The following TMPRSS6 variants were observed in gnomAD, a reference collection of about 807,000 sequenced individuals.
TMPRSS6 encodes the protein transmembrane serine protease 6.
Under a neutral mutation model 101.5 loss-of-function variants are expected in TMPRSS6, and 67 were observed. The ratio of observed to expected loss-of-function variants is 0.66; its 90% CI spans 0.54 to 0.81. The LOEUF is 0.81. TMPRSS6 is among the 30% of genes least tolerant of loss of function. The pLI is 0.00. For synonymous variants in TMPRSS6, 453 were observed against 464.9 expected (o/e 0.97, Z 0.33); for missense variants, 1,034 against 1,088.7 (o/e 0.95, Z 0.71).
chr22:37,075,269 A>G lies in TMPRSS6; in HGVS notation c.1208T>C (p.Leu403Ser). 1 of 1,613,530 alleles carries G rather than the reference A, an allele frequency of 6.2e-7. No homozygotes were observed. The highest frequency in any genetic ancestry group is 1.1e-5 in the South Asian group (1 of 91,078). Reference sequence around the variant, plus strand: ...CTCGGCGTAGGGCTGCAGGATGCGCAAGCCACACAGCCTGGGGGGAGTCAG... The same window carrying G: ...CTCGGCGTAGGGCTGCAGGATGCGCGAGCCACACAGCCTGGGGGGAGTCAG... ...WTIQNRRLCG[L>S]RILQPYAERI... Residue 403 changes from leucine to serine, a missense_variant, in exon 11 of 18, where the codon TTG (leucine) becomes TCG (serine). Leu to Ser is a moderately radical substitution (Grantham distance 145, BLOSUM62 -2). Coordinates refer to ENST00000676104, the MANE Select transcript of TMPRSS6 (RefSeq NM_001374504.1).
intron 10 of TMPRSS6, among the ~76,000 whole-genome samples, chr22:37,076,514 C>G (rs893069766): frequency 6.6e-5 from 10 of 152,142 alleles, no homozygotes; most frequent in African/African-American, 2.2e-4. Context: ...GAGTCTTTCT[C>G]TCCTACCAGA....
intron 6 of TMPRSS6, among the ~76,000 whole-genome samples, chr22:37,091,817 T>C (rs1929288545): frequency 6.6e-6 from 1 of 152,218 alleles, no homozygotes; most frequent in Admixed American, 6.5e-5. Flanking sequence ...TATGACCTCC[T>C]CTGGGCAGTG....
At chr22:37,102,448 A>G (rs886087778) in intron 2 of TMPRSS6, among the ~76,000 whole-genome samples, 10 of 152,188 alleles carry the variant, frequency 6.6e-5, no homozygotes, top group African/African-American at 2.4e-4. Flanking sequence ...ATTACTTCCC[A>G]CTGTCAAAGG....
At chr22:37,093,709 A>T (rs1170111663) in intron 6 of TMPRSS6, among the ~76,000 whole-genome samples, 1 of 149,196 alleles carries the variant, frequency 6.7e-6, no homozygotes, top group African/African-American at 2.5e-5. Context: ...GCTGACTTTT[A>T]TATTTTTTAA....
At chr22:37,098,881 G>C (rs1930058295) in intron 2 of TMPRSS6, among the ~76,000 whole-genome samples, 1 of 152,184 alleles carries the variant, frequency 6.6e-6, no homozygotes, top group Non-Finnish European at 1.5e-5. Flanking sequence ...ATAGGCCCAG[G>C]AGGCCAAGGT....
Position 37,101,464 on chromosome 22 carries a change from G to A in TMPRSS6, c.202+1752C>T, listed in dbSNP as rs1229644533. 2.0e-5 allele frequency among the ~76,000 whole-genome samples: 3 copies of A among 152,106 alleles called. No homozygotes were observed. The highest frequency in any genetic ancestry group is 4.4e-5 in the Non-Finnish European group (3 of 67,996). On this transcript the variant is annotated intron_variant, in intron 2 of 17. Coordinates refer to ENST00000676104, the MANE Select transcript of TMPRSS6 (RefSeq NM_001374504.1). The surrounding 1 kb of genome is among the most constrained non-coding windows in gnomAD (Gnocchi z 4.1). ...GGCCAGGCTGTCCTCCTCGCTTGGG[G>A]CCTGTCCTGCTCCAGTGTCACTGGT...
chr22:37,070,742 A>C, intron 14 of TMPRSS6, 90 bp from the exon 15 acceptor site: 2 of 1,457,186 alleles, frequency 1.4e-6, no homozygotes, highest in Admixed American at 1.7e-5. Flanking sequence ...AGAGATGGAG[A>C]GACAGAGAAC....
At chr22:37,070,005 T>C (rs1437635267) in intron 15 of TMPRSS6, among the ~76,000 whole-genome samples, 6 of 150,334 alleles carry the variant, frequency 4.0e-5, no homozygotes, top group Non-Finnish European at 5.9e-5. Context: ...TGTCTGGGGG[T>C]GGATTGGGGG....
intron 10 of TMPRSS6, among the ~76,000 whole-genome samples, chr22:37,078,920 G>A (rs1927956468): frequency 7.8e-6 from 1 of 127,638 alleles, no homozygotes; most frequent in Admixed American, 7.8e-5. Flanking sequence ...AGAAGAAAGA[G>A]AAAGAAGAGG....
In TMPRSS6 at chr22:37,084,719, G is replaced by T; in HGVS notation, c.1086+8C>A. 1 of 1,555,242 alleles carries T rather than the reference G, an allele frequency of 6.4e-7. No individual in the cohort carries two copies. The highest frequency in any genetic ancestry group is 1.9e-5 in the Admixed American group (1 of 51,518). ...GAGGGCAGGTGGGCAGGCAGGGTGG[G>T]GTCTCACCGTGAGGTGCCAGGAGCA... is the stretch of plus-strand genomic sequence containing the variant. On this transcript the variant is annotated splice_region_variant and intron_variant, in intron 9 of 17. Transcript: ENST00000676104.
chr22:37,077,736 T>C (rs1927794923), intron 10 of TMPRSS6, among the ~76,000 whole-genome samples: 1 of 152,278 alleles, frequency 6.6e-6, no homozygotes, highest in Non-Finnish European at 1.5e-5. Context: ...ATGTTATTTA[T>C]ATTCAAATGT....
chr22:37,084,015 A>C (rs2146101955), intron 10 of TMPRSS6: 1 of 565,086 alleles, frequency 1.8e-6, no homozygotes, highest in East Asian at 2.8e-5. Context: ...AAGATGAGAC[A>C]ATTTTGCTGT....
chr22:37,072,962 CGGAT>C (rs1411647843), intron 13 of TMPRSS6, among the ~76,000 whole-genome samples: 1 of 108,344 alleles, frequency 9.2e-6, no homozygotes, highest in Non-Finnish European at 1.8e-5. Context: ...GGGTGGATGA[CGGAT>C]GGGTGGAAGG....
In TMPRSS6 at chr22:37,065,712, C is replaced by G. The variant is rs1006346108; in HGVS notation, c.*368G>C. On this transcript the variant is annotated 3_prime_UTR_variant, in exon 18 of 18. Coordinates refer to ENST00000676104, the MANE Select transcript of TMPRSS6 (RefSeq NM_001374504.1). ...CTGGAGGCAAGGCTGCCCAAACAGC[C>G]TCTGTACAGAGTGGGGCGCACCTCA... is the stretch of plus-strand genomic sequence containing the variant. The G allele has an allele frequency of 1.0e-5, 3 of 294,536 alleles. No individual in the cohort carries two copies. The highest frequency in any genetic ancestry group is 2.1e-5 in the African/African-American group (1 of 46,660). 18.2% of individuals were successfully genotyped at this position (294,536 alleles called of 1,614,324 possible). A position where few individuals can be genotyped will look rare whatever the true frequency, so the allele number is the denominator to read the frequency against.
chr22:37,088,973 G>A (rs931161403), intron 7 of TMPRSS6, among the ~76,000 whole-genome samples: 1 of 149,096 alleles, frequency 6.7e-6, no homozygotes, highest in East Asian at 2.1e-4. Flanking sequence ...CCACACCCCC[G>A]CCCCACACAC....
At chr22:37,076,278 A>G (rs918782841) in intron 10 of TMPRSS6, among the ~76,000 whole-genome samples, 1 of 152,060 alleles carries the variant, frequency 6.6e-6, no homozygotes, top group Non-Finnish European at 1.5e-5. Context: ...CCTCCCTGTG[A>G]CACTGTGGGC....
At chr22:37,084,675 CTGTAG>C in intron 9 of TMPRSS6, 47 bp downstream of exon 9, 2 of 1,446,858 alleles carry the variant, frequency 1.4e-6, no homozygotes, top group Non-Finnish European at 1.9e-6. Flanking sequence ...CACCAGGGAC[CTGTAG>C]TGTGCTTGCG....
intron 7 of TMPRSS6, among the ~76,000 whole-genome samples, chr22:37,088,538 C>T (rs1928969003): frequency 6.6e-6 from 1 of 152,132 alleles, no homozygotes. Context: ...AGGCTAACAC[C>T]CATCTCCCCA....
chr22:37,103,488 G>A lies in TMPRSS6; in HGVS notation c.-1-70C>T, dbSNP rs1185355843. On this transcript the variant is annotated intron_variant, in intron 1 of 17. Transcript: ENST00000676104. The surrounding 1 kb of genome is among the most constrained non-coding windows in gnomAD (Gnocchi z 4.4). Reference sequence around the variant, plus strand: ...AAGGGAGCCTCTGCTGAGCACCGGTGGGGCACGGAAGCAGGACTTCCCTGC... The same window carrying A: ...AAGGGAGCCTCTGCTGAGCACCGGTAGGGCACGGAAGCAGGACTTCCCTGC... The A allele has an allele frequency of 6.2e-7, 1 of 1,614,168 alleles. No individual in the cohort carries two copies. Among genetic ancestry groups the A allele is most frequent in the East Asian group, 2.2e-5 (1 of 44,884 alleles).
Sources: allele counts gnomAD v4.1 joint callset (sites outside exome capture counted in the v4.1 genomes callset), GRCh38; gene constraint gnomAD v4.1.1; non-coding constraint Gnocchi (gnomAD v3.1); transcripts MANE v1.5; gene names NCBI Gene and HGNC (gene_info 2026-07-23, HGNC 2026-07-21).